The following FAM184B variants were observed in gnomAD, a reference collection of about 807,000 sequenced individuals.
FAM184B encodes family with sequence similarity 184 member B.
A neutral mutation model predicts 135.9 loss-of-function variants in FAM184B; 111 were observed. The observed-to-expected ratio is 0.82, with a 90% CI of 0.70 to 0.96. The LOEUF is 0.96. FAM184B is among the 40% of genes least tolerant of loss of function. The pLI, the probability that FAM184B is intolerant of heterozygous loss-of-function variation, is 0.00. For missense variants in FAM184B, 1,375 were observed against 1,323.9 expected (o/e 1.04, Z -0.60); for synonymous variants, 552 against 524.8 (o/e 1.05, Z -0.71).
intron 11 of FAM184B, among the ~76,000 whole-genome samples, 184 bp from the exon 12 acceptor site, chr4:17,647,975 CTCATT>C (rs2108934486): frequency 6.6e-6 from 1 of 152,246 alleles, no homozygotes; most frequent in Non-Finnish European, 1.5e-5. Flanking sequence ...GAAAACTGTT[CTCATT>C]TAAGTCCCAC....
chr4:17,638,847 C>G (rs530300962), intron 14 of FAM184B, among the ~76,000 whole-genome samples: 1 of 152,176 alleles, frequency 6.6e-6, no homozygotes, highest in Middle Eastern at 3.4e-3. Flanking sequence ...CCCACCACAC[C>G]CCGCCTCCTG....
intron 1 of FAM184B, among the ~76,000 whole-genome samples, chr4:17,750,249 A>AT (rs1718264628): frequency 6.6e-6 from 1 of 152,230 alleles, no homozygotes; most frequent in Non-Finnish European, 1.5e-5. Context: ...TACTCTCACC[A>AT]TTATTGTGTA....
intron 12 of FAM184B, among the ~76,000 whole-genome samples, chr4:17,643,367 C>T (rs1042069141): frequency 6.6e-6 from 1 of 152,106 alleles, no homozygotes; most frequent in African/African-American, 2.4e-5. Flanking sequence ...TGTGGGGTAT[C>T]ACCTGAGACC....
intron 1 of FAM184B, among the ~76,000 whole-genome samples, chr4:17,739,270 G>A (rs560264333): frequency 4.3e-4 from 65 of 152,200 alleles, no homozygotes; most frequent in African/African-American, 1.3e-3. Flanking sequence ...CCACCATGGC[G>A]GATCCCCTTC....
chr4:17,772,318 C>A (rs549421437), intron 1 of FAM184B, among the ~76,000 whole-genome samples: 31 of 152,120 alleles, frequency 2.0e-4, no homozygotes, highest in South Asian at 4.2e-4. Context: ...ACCTCCCATC[C>A]CCCACCCCCA....
At chr4:17,735,427 C>T (rs1028628219) in intron 1 of FAM184B, among the ~76,000 whole-genome samples, 1 of 152,030 alleles carries the variant, frequency 6.6e-6, no homozygotes, top group African/African-American at 2.4e-5. Flanking sequence ...TGAATTACTA[C>T]TGGTTCAATT....
chr4:17,632,770 A>G (rs1714999057), intron 17 of FAM184B, 145 bp from the exon 18 acceptor site: 7 of 574,302 alleles, frequency 1.2e-5, no homozygotes, highest in Admixed American at 6.1e-5. Context: ...AGTAGTGGGA[A>G]ACAAATTGTA....
At chr4:17,746,731 C>CAAAA (rs575639086) in intron 1 of FAM184B, among the ~76,000 whole-genome samples, 1 of 110,404 alleles carries the variant, frequency 9.1e-6, no homozygotes, top group Admixed American at 1.0e-4. Context: ...GACACGGTCT[C>CAAAA]AAAAAAAAAA....
At chr4:17,732,186 G>A (rs1717796396) in intron 1 of FAM184B, among the ~76,000 whole-genome samples, 1 of 152,314 alleles carries the variant, frequency 6.6e-6, no homozygotes, top group African/African-American at 2.4e-5. Flanking sequence ...ATTTAAAGCA[G>A]TGTGTAGAAG....
At chr4:17,723,375 C>CATTT (rs1206373509) in intron 1 of FAM184B, among the ~76,000 whole-genome samples, 3 of 152,206 alleles carry the variant, frequency 2.0e-5, no homozygotes, top group African/African-American at 7.2e-5. Flanking sequence ...CCCAAACATC[C>CATTT]ATTTATGATA....
chr4:17,695,963 A>C (rs1364572134), intron 5 of FAM184B, among the ~76,000 whole-genome samples: 1 of 152,150 alleles, frequency 6.6e-6, no homozygotes, highest in South Asian at 2.1e-4. Context: ...GCCCTCGGAC[A>C]CTCCAAAATT....
chr4:17,645,547 C>T (rs569990992), intron 12 of FAM184B, among the ~76,000 whole-genome samples: 11 of 151,874 alleles, frequency 7.2e-5, no homozygotes, highest in Admixed American at 2.0e-4. Context: ...AAACTGGATC[C>T]CTTCCTTACA....
chr4:17,704,937 G>C (rs971989982), intron 5 of FAM184B, 63 bp downstream of exon 5: 12 of 1,415,472 alleles, frequency 8.5e-6, no homozygotes, highest in Non-Finnish European at 1.2e-5. Flanking sequence ...AACAAAAAAG[G>C]AAAGAAAGGA....
chr4:17,695,140 C>G (rs1716825395), intron 5 of FAM184B, among the ~76,000 whole-genome samples: 1 of 101,024 alleles, frequency 9.9e-6, no homozygotes, highest in Middle Eastern at 5.3e-3. Context: ...TTTGGATAAG[C>G]TGGCTACTGT....
chr4:17,688,228 TAGTC>T lies in FAM184B; in HGVS notation c.1596+192_1596+195del, dbSNP rs541248221. On this transcript the variant is annotated intron_variant, in intron 7 of 17. Coordinates refer to ENST00000265018, the MANE Select transcript of FAM184B (RefSeq NM_015688.2). ...TTCTCTTTCAAACCATGCAGATAATTAGTCAGACTTCTATTTCCTTCGTGGTTTC... is the reference window on the plus strand; with the variant it reads ...TTCTCTTTCAAACCATGCAGATAATTAGACTTCTATTTCCTTCGTGGTTTC... Among the ~76,000 whole-genome samples, 30 of 152,216 alleles carry T rather than the reference TAGTC, an allele frequency of 2.0e-4. 1 individual carries two copies. The South Asian group carries it at 6.0e-3, about 31-fold the overall frequency.
At chr4:17,689,825 C>A (rs946272811) in intron 6 of FAM184B, among the ~76,000 whole-genome samples, 1 of 151,942 alleles carries the variant, frequency 6.6e-6, no homozygotes, top group Non-Finnish European at 1.5e-5. Context: ...TCACAACAGC[C>A]TTTATAAGGT....
Position 17,634,982 on chromosome 4 carries a change from GCATTAAAAC to G in FAM184B, c.2889+18_2889+26del. The G allele has an allele frequency of 6.8e-7, 1 of 1,462,900 alleles. No individual in the cohort carries two copies. The highest frequency in any genetic ancestry group is 1.4e-5 in the African/African-American group (1 of 71,214). The allele number at this position is 1,462,900 out of a possible 1,614,324, so 90.6% of individuals were successfully genotyped here. Reference sequence around the variant, plus strand: ...AACGAAACCAATGGAATTGTATAATGCATTAAAACCATTAGAACCAATTTACCTTCATGG... The same window carrying G: ...AACGAAACCAATGGAATTGTATAATGCATTAGAACCAATTTACCTTCATGG... On this transcript the variant is annotated intron_variant, in intron 16 of 17. Coordinates refer to ENST00000265018, the MANE Select transcript of FAM184B (RefSeq NM_015688.2).
rs1160687886 is a variant in FAM184B at position 17,664,598 on chromosome 4, G to T, written c.1658C>A (p.Ala553Glu). Residue 553 changes from alanine to glutamate, a missense_variant, in exon 8 of 18, where the codon GCA becomes GAA. Ala to Glu is a moderately radical substitution (Grantham distance 107). Transcript: ENST00000265018. ...PRGEEYQDKLAAEEGTSSDEE... is the reference protein window; with the variant it reads ...PRGEEYQDKLEAEEGTSSDEE... ...ATCACTGCTGGTTCCTTCTTCAGCT[G>T]CTAACTTATCTTGATACTCCTCTCC... The T allele has an allele frequency of 6.4e-7, 1 of 1,551,112 alleles. No individual in the cohort carries two copies. Among genetic ancestry groups the T allele is most frequent in the East Asian group, 2.4e-5 (1 of 40,884 alleles).
chr4:17,711,464 C>T (rs2108967640), intron 1 of FAM184B, among the ~76,000 whole-genome samples: 2 of 151,736 alleles, frequency 1.3e-5, no homozygotes, highest in African/African-American at 4.8e-5. Flanking sequence ...GCCAATACAG[C>T]AAGACTCAGT....
Sources: allele counts gnomAD v4.1 joint callset (sites outside exome capture counted in the v4.1 genomes callset), GRCh38; gene constraint gnomAD v4.1.1; transcripts MANE v1.5; gene names NCBI Gene and HGNC (gene_info 2026-07-23, HGNC 2026-07-21).